The following PAMR1 variants were observed in gnomAD, a reference collection of about 807,000 sequenced individuals.
The protein encoded by PAMR1 is inactive serine protease PAMR1.
In PAMR1, 88 loss-of-function variants were observed where a neutral mutation model predicts 81.8. That is an observed-to-expected ratio of 1.08 (90% CI 0.91 to 1.28). PAMR1 has a LOEUF of 1.28. PAMR1 is among the 50% of genes most tolerant of loss of function. The pLI is 0.00. For synonymous variants in PAMR1, 336 were observed against 345.3 expected (o/e 0.97, Z 0.30); for missense variants, 935 against 919.7 (o/e 1.02, Z -0.21).
rs188272517 is a variant in PAMR1 at position 35,441,677 on chromosome 11, G to A, written c.837C>T (p.Asn279=). ...TGACTGGGCCCCCAGGGTCTGAGCA[G>A]TTTCTTTCTTCAAGGACTAAAAGAA... The part of the protein sequence containing the change: ...QRCENLLEER[N]CSDPGGPVNG... Residue 279 remains asparagine (N), a synonymous_variant, in exon 7 of 11, where the codon AAC becomes AAT. Coordinates refer to ENST00000619888, the MANE Select transcript of PAMR1 (RefSeq NM_001001991.3). 4 of 1,608,678 alleles carry A rather than the reference G, an allele frequency of 2.5e-6. No homozygotes were observed. Among genetic ancestry groups the A allele is most frequent in the Non-Finnish European group, 2.5e-6 (3 of 1,178,148 alleles).
At chr11:35,522,211 T>C (rs36053789) in intron 1 of PAMR1, among the ~76,000 whole-genome samples, 14,169 of 152,250 alleles carry the variant, frequency 0.093, 791 homozygotes, top group Non-Finnish European at 0.13. Context: ...CATGAGCCAC[T>C]GCGCCTGCCT....
intron 3 of PAMR1, among the ~76,000 whole-genome samples, chr11:35,485,657 T>C (rs893526625): frequency 2.0e-5 from 3 of 152,204 alleles, no homozygotes; most frequent in Admixed American, 1.3e-4. Context: ...ATATAAACAT[T>C]GTCAAGGACA....
intron 6 of PAMR1, among the ~76,000 whole-genome samples, chr11:35,451,048 T>C (rs954247818): frequency 6.6e-6 from 1 of 152,268 alleles, no homozygotes; most frequent in Non-Finnish European, 1.5e-5. Flanking sequence ...AAATGAACTG[T>C]ACTCTAGCCA....
chr11:35,480,084 G>C (rs920990319), intron 3 of PAMR1, among the ~76,000 whole-genome samples: 1 of 152,164 alleles, frequency 6.6e-6, no homozygotes, highest in African/African-American at 2.4e-5. Flanking sequence ...AGTTCCACGA[G>C]AGCAGGAATA....
chr11:35,497,481 T>A (rs1850748690), intron 1 of PAMR1, among the ~76,000 whole-genome samples: 1 of 152,192 alleles, frequency 6.6e-6, no homozygotes, highest in Non-Finnish European at 1.5e-5. Context: ...GGTGGTGAAC[T>A]AGATACAGGT....
intron 3 of PAMR1, among the ~76,000 whole-genome samples, chr11:35,491,034 T>C (rs1351135831): frequency 1.3e-5 from 2 of 152,212 alleles, no homozygotes; most frequent in East Asian, 3.8e-4. Flanking sequence ...GAACATAATC[T>C]GCCAGGTACT....
chr11:35,456,479 G>A (rs995961179), intron 6 of PAMR1, among the ~76,000 whole-genome samples: 3 of 152,202 alleles, frequency 2.0e-5, no homozygotes, highest in Admixed American at 2.0e-4. Context: ...CTTCTGCTGA[G>A]AATAATCATT....
intron 6 of PAMR1, among the ~76,000 whole-genome samples, chr11:35,443,337 G>A (rs11033123): frequency 0.33 from 50,805 of 151,908 alleles, 8,580 homozygotes; most frequent in African/African-American, 0.39. Context: ...TGCATTAGCT[G>A]TTTATCCTGA....
intron 8 of PAMR1, among the ~76,000 whole-genome samples, chr11:35,437,839 G>A (rs1335502380): frequency 1.3e-5 from 2 of 152,214 alleles, no homozygotes; most frequent in African/African-American, 2.4e-5. Context: ...CCAGCCCAGG[G>A]AAATCACACA....
chr11:35,442,473 C>T (rs1856191205), intron 6 of PAMR1, among the ~76,000 whole-genome samples: 1 of 152,178 alleles, frequency 6.6e-6, no homozygotes, highest in Non-Finnish European at 1.5e-5. Flanking sequence ...TAGATTATGA[C>T]ACTACTGAAT....
intron 1 of PAMR1, among the ~76,000 whole-genome samples, chr11:35,494,903 C>T (rs778117804): frequency 2.0e-5 from 3 of 152,130 alleles, no homozygotes; most frequent in Non-Finnish European, 2.9e-5. Flanking sequence ...GACAATAGAA[C>T]CTGTATATAA....
intron 8 of PAMR1, among the ~76,000 whole-genome samples, chr11:35,438,252 T>C (rs1220571173): frequency 6.6e-5 from 10 of 152,206 alleles, no homozygotes; most frequent in Admixed American, 4.6e-4. Flanking sequence ...CCCTCTGTAA[T>C]ATAAATGGTA....
In PAMR1 at chr11:35,435,884, A is replaced by G. The variant is rs1856030388; in HGVS notation, c.1333+19T>C. Reference sequence around the variant, plus strand: ...GAAAGATTGAGCATGCTCAAGCCCAAGAATGAGCCTTGACTCACTAGGGAT... The same window carrying G: ...GAAAGATTGAGCATGCTCAAGCCCAGGAATGAGCCTTGACTCACTAGGGAT... On this transcript the variant is annotated intron_variant, in intron 9 of 10. Coordinates refer to ENST00000619888, the MANE Select transcript of PAMR1 (RefSeq NM_001001991.3). The G allele has an allele frequency of 6.3e-7, 1 of 1,578,004 alleles. No individual in the cohort carries two copies. Among genetic ancestry groups the G allele is most frequent in the African/African-American group, 1.3e-5 (1 of 74,252 alleles).
chr11:35,522,177 C>A (rs1382041139), intron 1 of PAMR1, among the ~76,000 whole-genome samples: 1 of 152,174 alleles, frequency 6.6e-6, no homozygotes, highest in Non-Finnish European at 1.5e-5. Flanking sequence ...CCGCCCTGGC[C>A]TCCCAAAGTG....
Position 35,432,602 on chromosome 11 carries a change from G to T in PAMR1, c.1917C>A (p.Ile639=). The change falls in exon 11 of 11, where the codon ATC becomes ATA. Residue 639 remains isoleucine (I), a synonymous_variant. Coordinates refer to ENST00000619888, the MANE Select transcript of PAMR1 (RefSeq NM_001001991.3). ...ACATGTTATCAGTGACACTCACTGG[G>T]ATGCCATGGTCCTCATGCTGCTCCT... ...LCEEQHEDHG[I]PVSVTDNMFC... 2 of 1,614,122 alleles carry T rather than the reference G, an allele frequency of 1.2e-6. No individual in the cohort carries two copies. Among genetic ancestry groups the T allele is most frequent in the Middle Eastern group, 3.3e-4 (2 of 6,062 alleles).
chr11:35,458,937 C>T lies in PAMR1; in HGVS notation c.820+9064G>A, dbSNP rs543585450. 2.6e-5 allele frequency among the ~76,000 whole-genome samples: 4 copies of T among 152,296 alleles called. No individual in the cohort carries two copies. In the South Asian group the frequency reaches 8.3e-4, roughly 32 times the overall value. On this transcript the variant is annotated intron_variant, in intron 6 of 10. Coordinates refer to ENST00000619888, the MANE Select transcript of PAMR1 (RefSeq NM_001001991.3). ...TTTTTTACTCCCAGGAAGGTCTTCA[C>T]CAACCAGGAATAATGACACCAACTG...
intron 2 of PAMR1, among the ~76,000 whole-genome samples, chr11:35,493,836 T>C (rs1850672959): frequency 6.6e-6 from 1 of 152,232 alleles, no homozygotes; most frequent in South Asian, 2.1e-4. Flanking sequence ...GTACCCCACA[T>C]GGTACATAAA....
At chr11:35,517,960 A>T (rs1411935791) in intron 1 of PAMR1, among the ~76,000 whole-genome samples, 1 of 152,190 alleles carries the variant, frequency 6.6e-6, no homozygotes, top group Non-Finnish European at 1.5e-5. Flanking sequence ...TCTTGCTGTG[A>T]CTTTTCAGAG....
intron 1 of PAMR1, among the ~76,000 whole-genome samples, chr11:35,508,196 CA>C (rs1851007311): frequency 6.6e-6 from 1 of 152,232 alleles, no homozygotes; most frequent in Admixed American, 6.5e-5. Flanking sequence ...TCAAAGAACC[CA>C]AGATGGTGGG....
Sources: gnomAD v4.1 joint callset for allele counts (sites outside exome capture counted in the v4.1 genomes callset) on GRCh38, gnomAD v4.1.1 for gene constraint, MANE v1.5 for transcripts, NCBI Gene and HGNC (gene_info 2026-07-23, HGNC 2026-07-21) for gene names.